DACH2: variants seen among roughly 807,000 people sequenced by gnomAD.
The protein encoded by DACH2 is dachshund family transcription factor 2.
A neutral mutation model predicts 35.8 loss-of-function variants in DACH2; 17 were observed. The observed-to-expected ratio is 0.48, with a 90% CI of 0.33 to 0.71. The LOEUF (loss-of-function observed/expected upper bound fraction) is 0.71. DACH2 is among the 30% of genes least tolerant of loss of function. The pLI, the probability that DACH2 is intolerant of heterozygous loss-of-function variation, is 0.02. For synonymous variants in DACH2, 195 were observed against 177.3 expected (o/e 1.10, Z -0.79); for missense variants, 469 against 472.7 (o/e 0.99, Z 0.07).
chrX:86,653,878 C>T (rs1295124922), intron 4 of DACH2, among the ~76,000 whole-genome samples: 1 of 109,337 alleles, frequency 9.1e-6, no homozygotes, highest in Non-Finnish European at 1.9e-5. Flanking sequence ...TGTTGGCCAG[C>T]CTAGTCTCGA....
At position 86,450,133 on chromosome X, in the gene DACH2, G is replaced by T. The variant is rs768444466; in HGVS notation, c.528-64146G>T. Among the ~76,000 whole-genome samples the T allele has an allele frequency of 7.5e-4, 83 of 110,809 alleles. 1 individual carries two copies. The highest frequency in any genetic ancestry group is 1.1e-3 in the Non-Finnish European group (60 of 52,857). On this transcript the variant is annotated intron_variant, in intron 2 of 11. Coordinates refer to ENST00000373125, the MANE Select transcript of DACH2 (RefSeq NM_053281.3). ...GTGTAGGTTTGGTACATAGGAAAACGTGTGCTATGTTGTTTTGCTGCACAG... is the reference window on the plus strand; with the variant it reads ...GTGTAGGTTTGGTACATAGGAAAACTTGTGCTATGTTGTTTTGCTGCACAG...
At chrX:86,292,255 T>G (rs1453808226) in intron 1 of DACH2, among the ~76,000 whole-genome samples, 1 of 61,297 alleles carries the variant, frequency 1.6e-5, no homozygotes, top group East Asian at 5.9e-4. Context: ...TGTATTTCTG[T>G]GGGATCGGTG....
chrX:86,495,228 T>C (rs2038151669), intron 2 of DACH2, among the ~76,000 whole-genome samples: 1 of 108,894 alleles, frequency 9.2e-6, no homozygotes, highest in African/African-American at 3.3e-5. Context: ...TTTTTTTTTA[T>C]TTTTATTTTT....
At position 86,148,504 on chromosome X, in the gene DACH2, G is replaced by A. The variant is rs184613087; in HGVS notation, c.-117G>A. 3 of 874,556 alleles carry A rather than the reference G, an allele frequency of 3.4e-6. No homozygotes were observed. Among genetic ancestry groups the A allele is most frequent in the East Asian group, 3.5e-5 (1 of 28,956 alleles). The allele number at this position is 874,556 out of a possible 1,213,427, so 72.1% of individuals were successfully genotyped here. A position where few individuals can be genotyped will look rare whatever the true frequency, so the allele number is the denominator to read the frequency against. ...GCTGCTGAAGACTTGCGAACAGTTC[G>A]GAGCCAGCGAGAGCGCGCCAGAGAG... On this transcript the variant is annotated 5_prime_UTR_variant, in exon 1 of 12. Coordinates refer to ENST00000373125, the MANE Select transcript of DACH2 (RefSeq NM_053281.3).
At chrX:86,245,963 A>C (rs1270905721) in intron 1 of DACH2, among the ~76,000 whole-genome samples, 2 of 111,947 alleles carry the variant, frequency 1.8e-5, no homozygotes, top group African/African-American at 6.5e-5. Context: ...AGACATTTTA[A>C]GAAAGAAACA....
intron 2 of DACH2, among the ~76,000 whole-genome samples, chrX:86,412,682 G>T (rs183168104): frequency 9.9e-5 from 11 of 111,592 alleles, no homozygotes; most frequent in African/African-American, 3.6e-4. Flanking sequence ...GTAGAAGATG[G>T]CAGGGCCTTA....
intron 5 of DACH2, among the ~76,000 whole-genome samples, chrX:86,712,615 A>G (rs12854923): frequency 9.0e-6 from 1 of 111,404 alleles, no homozygotes; most frequent in Non-Finnish European, 1.9e-5. Flanking sequence ...TTGTCAATTT[A>G]CAATAAAAAT....
intron 1 of DACH2, among the ~76,000 whole-genome samples, chrX:86,339,194 C>T (rs1377219611): frequency 9.0e-6 from 1 of 111,366 alleles, no homozygotes; most frequent in Non-Finnish European, 1.9e-5. Flanking sequence ...TGAATTTATA[C>T]CTGCCACAAT....
chrX:86,529,973 A>ATG (rs1569429728), intron 3 of DACH2, among the ~76,000 whole-genome samples: 1 of 43,320 alleles, frequency 2.3e-5, no homozygotes, highest in African/African-American at 6.7e-5. Flanking sequence ...ACACACACAC[A>ATG]CACGCACACA....
intron 3 of DACH2, among the ~76,000 whole-genome samples, chrX:86,619,747 G>A (rs1342096064): frequency 8.9e-6 from 1 of 111,770 alleles, no homozygotes; most frequent in Non-Finnish European, 1.9e-5. Context: ...GTTGTTCTTG[G>A]GGCAGATAAT....
chrX:86,518,065 A>T (rs932748037), intron 3 of DACH2, among the ~76,000 whole-genome samples: 1 of 111,770 alleles, frequency 8.9e-6, no homozygotes, highest in African/African-American at 3.3e-5. Flanking sequence ...TCTTGAGTTG[A>T]TTTCTGTATA....
intron 1 of DACH2, among the ~76,000 whole-genome samples, chrX:86,244,336 G>A (rs148674278): frequency 0.015 from 1,698 of 112,097 alleles, 35 homozygotes; most frequent in African/African-American, 0.052. Flanking sequence ...GAATAAATTC[G>A]TGGGAAGATA....
intron 2 of DACH2, among the ~76,000 whole-genome samples, chrX:86,508,564 T>TAAA (rs200231659): frequency 9.6e-6 from 1 of 103,746 alleles, no homozygotes; most frequent in Non-Finnish European, 2.0e-5. Context: ...TGTCTCAAAA[T>TAAA]AAAAAAAAAA....
At chrX:86,515,050 A>G (rs184096114) in intron 3 of DACH2, among the ~76,000 whole-genome samples, 113 of 111,772 alleles carry the variant, frequency 1.0e-3, no homozygotes, top group African/African-American at 3.4e-3. Flanking sequence ...GAATCTTTAA[A>G]AATCATTAAA....
chrX:86,331,739 A>G (rs1393969237), intron 1 of DACH2, among the ~76,000 whole-genome samples: 1 of 111,357 alleles, frequency 9.0e-6, no homozygotes, highest in Non-Finnish European at 1.9e-5. Flanking sequence ...AAAATACACT[A>G]TACAAGTGTC....
chrX:86,605,102 C>A (rs1336429372), intron 3 of DACH2, among the ~76,000 whole-genome samples: 1 of 111,978 alleles, frequency 8.9e-6, no homozygotes, highest in Non-Finnish European at 1.9e-5. Flanking sequence ...GACTGCTGGC[C>A]TACAGAAACT....
chrX:86,321,551 T>C (rs1470517487), intron 1 of DACH2, among the ~76,000 whole-genome samples: 2 of 112,089 alleles, frequency 1.8e-5, no homozygotes, highest in East Asian at 5.6e-4. Context: ...CATTCATCTA[T>C]GGGGTCACAG....
chrX:86,767,830 C>T (rs762202678), intron 7 of DACH2, among the ~76,000 whole-genome samples: 1 of 111,903 alleles, frequency 8.9e-6, no homozygotes, highest in South Asian at 3.7e-4. Flanking sequence ...GAATTTGAAC[C>T]CAAGTGTTCC....
intron 4 of DACH2, among the ~76,000 whole-genome samples, chrX:86,655,243 G>A (rs1433446549): frequency 9.0e-6 from 1 of 111,655 alleles, no homozygotes; most frequent in Non-Finnish European, 1.9e-5. Flanking sequence ...CTAGATCTTG[G>A]AGAAACATTA....
Sources: gnomAD v4.1 joint callset for allele counts (sites outside exome capture counted in the v4.1 genomes callset) on GRCh38, gnomAD v4.1.1 for gene constraint, MANE v1.5 for transcripts, NCBI Gene and HGNC (gene_info 2026-07-23, HGNC 2026-07-21) for gene names.